The following CDH13 variants were observed in gnomAD, a reference collection of about 807,000 sequenced individuals.
CDH13 encodes the protein cadherin-13.
CDH13 carries 24 observed loss-of-function variants against 63.8 expected under a neutral mutation model. The observed-to-expected ratio is 0.38, with a 90% CI of 0.27 to 0.53. The LOEUF (loss-of-function observed/expected upper bound fraction) is 0.53, where lower values mean the gene tolerates loss of function less well. CDH13 is among the 20% of genes least tolerant of loss of function. The pLI is 0.85. For synonymous variants in CDH13, 503 were observed against 355.3 expected (o/e 1.42, Z -4.67); for missense variants, 1,049 against 903.1 (o/e 1.16, Z -2.07).
chr16:82,976,314 C>T (rs138864765), intron 2 of CDH13, among the ~76,000 whole-genome samples: 174 of 152,160 alleles, frequency 1.1e-3, no homozygotes, highest in Admixed American at 2.0e-3. Flanking sequence ...AGGTGGGGGC[C>T]GATTCTTCTT....
chr16:83,471,501 T>C (rs1043456889), intron 6 of CDH13, among the ~76,000 whole-genome samples: 2 of 152,106 alleles, frequency 1.3e-5, no homozygotes, highest in Non-Finnish European at 2.9e-5. Flanking sequence ...GTCTTGAACT[T>C]CTGACCTCGT....
At chr16:83,118,912 C>T (rs1303376649) in intron 3 of CDH13, among the ~76,000 whole-genome samples, 1 of 152,162 alleles carries the variant, frequency 6.6e-6, no homozygotes, top group Non-Finnish European at 1.5e-5. Context: ...CACCACTGTG[C>T]TTTCTTTCCT....
At chr16:83,106,779 A>T (rs944971458) in intron 3 of CDH13, among the ~76,000 whole-genome samples, 5 of 152,254 alleles carry the variant, frequency 3.3e-5, no homozygotes, top group Admixed American at 3.3e-4. Context: ...ACCTGGAAGG[A>T]AGTCCACTAA....
intron 4 of CDH13, among the ~76,000 whole-genome samples, chr16:83,141,617 G>A (rs549986097): frequency 2.6e-5 from 4 of 152,002 alleles, no homozygotes; most frequent in African/African-American, 4.8e-5. Flanking sequence ...CATCATCTAC[G>A]TTTTAAGCCC....
At chr16:82,724,303 A>G (rs1271209855) in intron 1 of CDH13, among the ~76,000 whole-genome samples, 2 of 151,944 alleles carry the variant, frequency 1.3e-5, no homozygotes, top group African/African-American at 4.8e-5. Context: ...ATCCATCCAT[A>G]TATTTATTCT....
chr16:83,666,796 C>G (rs368259995), intron 8 of CDH13, among the ~76,000 whole-genome samples: 4 of 152,092 alleles, frequency 2.6e-5, no homozygotes, highest in Non-Finnish European at 5.9e-5. Flanking sequence ...CCTCTCCAGA[C>G]TGGATCAGAT....
chr16:83,097,766 T>C (rs905772280), intron 3 of CDH13, among the ~76,000 whole-genome samples: 16 of 152,326 alleles, frequency 1.1e-4, no homozygotes, highest in African/African-American at 3.1e-4. Flanking sequence ...CTAAAGTAGA[T>C]GATTCCAGTA....
chr16:83,366,206 G>A (rs764295555), intron 6 of CDH13, among the ~76,000 whole-genome samples: 8 of 152,082 alleles, frequency 5.3e-5, no homozygotes, highest in South Asian at 2.1e-4. Flanking sequence ...TCAAAAGTTC[G>A]TTTTCAAATG....
At chr16:82,983,023 C>T (rs1411243800) in intron 2 of CDH13, among the ~76,000 whole-genome samples, 1 of 152,114 alleles carries the variant, frequency 6.6e-6, no homozygotes, top group Non-Finnish European at 1.5e-5. Context: ...GACATGTGAC[C>T]CCAGATGCTG....
rs563648631 is a variant in CDH13 at position 83,044,819 on chromosome 16, A to T, written c.366+12601A>T. Among the ~76,000 whole-genome samples, 7 of 152,316 alleles carry T rather than the reference A, an allele frequency of 4.6e-5. No homozygotes were observed. In the South Asian group the frequency reaches 1.4e-3, roughly 32 times the overall value. ...CTTTCCCAAGTGCATCGCTGCAGCCATAGTTAGCTCCCCAGCAGCTGCTCG... is the reference window on the plus strand; with the variant it reads ...CTTTCCCAAGTGCATCGCTGCAGCCTTAGTTAGCTCCCCAGCAGCTGCTCG... On this transcript the variant is annotated intron_variant, in intron 3 of 13. Transcript: ENST00000567109.
At chr16:83,379,989 A>C (rs1298776456) in intron 6 of CDH13, among the ~76,000 whole-genome samples, 1 of 149,830 alleles carries the variant, frequency 6.7e-6, no homozygotes, top group Non-Finnish European at 1.5e-5. Flanking sequence ...CAAGGAAGCC[A>C]ATTTTAGGGC....
chr16:82,785,183 A>C lies in CDH13; in HGVS notation c.46-73179A>C, dbSNP rs1315264159. On this transcript the variant is annotated intron_variant, in intron 1 of 13. Transcript: ENST00000567109. ...CAGTTGAAACGGAGAGACATAAGATAGATTGTTGAAATAGGAAGGGGAAGA... is the reference window on the plus strand; with the variant it reads ...CAGTTGAAACGGAGAGACATAAGATCGATTGTTGAAATAGGAAGGGGAAGA... 2.6e-5 allele frequency among the ~76,000 whole-genome samples: 4 copies of C among 152,092 alleles called. No homozygotes were observed. The East Asian group carries it at 7.7e-4, about 29-fold the overall frequency.
chr16:83,099,373 G>C (rs147066099), intron 3 of CDH13, among the ~76,000 whole-genome samples: 2,011 of 151,858 alleles, frequency 0.013, 43 homozygotes, highest in African/African-American at 0.046. Flanking sequence ...ACCCAGGCTG[G>C]AGTGCAACGG....
At chr16:82,982,575 T>G (rs981809857) in intron 2 of CDH13, among the ~76,000 whole-genome samples, 1 of 152,206 alleles carries the variant, frequency 6.6e-6, no homozygotes, top group Admixed American at 6.5e-5. Context: ...TGTGGAAGAT[T>G]TTTTCTGATT....
chr16:83,671,322 C>T (rs571304219), intron 9 of CDH13, among the ~76,000 whole-genome samples: 3 of 152,250 alleles, frequency 2.0e-5, no homozygotes, highest in African/African-American at 7.2e-5. Flanking sequence ...GATCTCAGCT[C>T]ACTGCAATCT....
chr16:83,208,544 C>T (rs1474369746), intron 4 of CDH13, among the ~76,000 whole-genome samples: 2 of 151,948 alleles, frequency 1.3e-5, no homozygotes, highest in Non-Finnish European at 2.9e-5. Context: ...TCCAATAATT[C>T]CTCTTACATG....
intron 6 of CDH13, among the ~76,000 whole-genome samples, chr16:83,460,750 T>C (rs989882875): frequency 6.6e-6 from 1 of 151,776 alleles, no homozygotes; most frequent in African/African-American, 2.4e-5. Flanking sequence ...ACCCAGCATT[T>C]TGGGAGGCCG....
chr16:83,555,898 C>G (rs1370546894), intron 7 of CDH13, among the ~76,000 whole-genome samples: 1 of 152,174 alleles, frequency 6.6e-6, no homozygotes. Flanking sequence ...CTGTTTCTAT[C>G]AGCTTCTTAT....
intron 2 of CDH13, among the ~76,000 whole-genome samples, chr16:83,011,564 C>G (rs534950797): frequency 6.6e-6 from 1 of 152,114 alleles, no homozygotes; most frequent in South Asian, 2.1e-4. Flanking sequence ...CTGAGTCAAC[C>G]GGGCGGTAAA....
Sources: allele counts gnomAD v4.1 joint callset (sites outside exome capture counted in the v4.1 genomes callset), GRCh38; gene constraint gnomAD v4.1.1; transcripts MANE v1.5; gene names NCBI Gene and HGNC (gene_info 2026-07-23, HGNC 2026-07-21).